IL15: variants seen among roughly 807,000 people sequenced by gnomAD.
IL15 encodes the protein interleukin-15.
In IL15, 11 loss-of-function variants were observed where a neutral mutation model predicts 19.6. The observed-to-expected ratio is 0.56, with a 90% CI of 0.35 to 0.93. IL15 has a LOEUF of 0.93. IL15 is among the 40% of genes least tolerant of loss of function. The pLI, the probability that IL15 is intolerant of heterozygous loss-of-function variation, is 0.01. For missense variants in IL15, 197 were observed against 186.5 expected (o/e 1.06, Z -0.33); for synonymous variants, 58 against 59.6 (o/e 0.97, Z 0.12).
chr4:141,707,160 A>G lies in IL15; in HGVS notation c.-99-12206A>G, dbSNP rs967618306. ...ATTTCAAACGCCTGTTTTCTAGTTC[A>G]GAAATTCCTTCATGAAAGATCTAGT... On this transcript the variant is annotated intron_variant, in intron 2 of 7. Coordinates refer to ENST00000320650, the MANE Select transcript of IL15 (RefSeq NM_000585.5). 7.2e-5 allele frequency among the ~76,000 whole-genome samples: 11 copies of G among 152,108 alleles called. No homozygotes were observed. In the East Asian group the frequency reaches 1.5e-3, roughly 21 times the overall value.
chr4:141,716,220 C>T (rs1433611114), intron 2 of IL15: 1 of 152,320 alleles, frequency 6.6e-6, no homozygotes, highest in Non-Finnish European at 1.5e-5. Context: ...CCTGTGAGCT[C>T]CTTGAGGACA....
At chr4:141,698,746 T>A (rs1440419692) in intron 2 of IL15, among the ~76,000 whole-genome samples, 2 of 152,080 alleles carry the variant, frequency 1.3e-5, no homozygotes, top group Non-Finnish European at 2.9e-5. Flanking sequence ...ATCGTACTAA[T>A]GGTCTATCCA....
intron 1 of IL15, among the ~76,000 whole-genome samples, chr4:141,654,300 C>A (rs892967233): frequency 6.6e-6 from 1 of 152,118 alleles, no homozygotes; most frequent in Non-Finnish European, 1.5e-5. Context: ...GGGAAGCAGG[C>A]CAGATTCCTG....
At chr4:141,681,934 C>T (rs542464874) in intron 2 of IL15, among the ~76,000 whole-genome samples, 110 of 152,218 alleles carry the variant, frequency 7.2e-4, no homozygotes, top group African/African-American at 2.1e-3. Flanking sequence ...TATTTTCTTT[C>T]GGCAGTATAC....
At chr4:141,652,165 TA>T (rs1319705526) in intron 1 of IL15, among the ~76,000 whole-genome samples, 1 of 152,130 alleles carries the variant, frequency 6.6e-6, no homozygotes, top group Non-Finnish European at 1.5e-5. Context: ...AATCTATTTA[TA>T]ATAATAGTTT....
intron 2 of IL15, among the ~76,000 whole-genome samples, chr4:141,697,292 T>C (rs1466567680): frequency 6.6e-6 from 1 of 152,144 alleles, no homozygotes; most frequent in Admixed American, 6.6e-5. Flanking sequence ...TATGTTTTTG[T>C]AAACTTTGAC....
intron 2 of IL15, among the ~76,000 whole-genome samples, chr4:141,689,259 T>C (rs1728818573): frequency 6.6e-6 from 1 of 152,230 alleles, no homozygotes; most frequent in Non-Finnish European, 1.5e-5. Flanking sequence ...AGGTTGCCAC[T>C]GCTGGCTCCG....
intron 1 of IL15, among the ~76,000 whole-genome samples, chr4:141,640,986 C>T (rs927298107): frequency 1.3e-5 from 2 of 152,156 alleles, no homozygotes; most frequent in South Asian, 2.1e-4. Context: ...ATCATTGTGA[C>T]ACACGAAAGG....
At chr4:141,691,596 AG>A (rs1340513824) in intron 2 of IL15, among the ~76,000 whole-genome samples, 4 of 152,174 alleles carry the variant, frequency 2.6e-5, no homozygotes, top group Non-Finnish European at 5.9e-5. Context: ...GACAAAACGA[AG>A]GGGCCACAGG....
chr4:141,713,513 C>T (rs1729775729), intron 2 of IL15, among the ~76,000 whole-genome samples: 1 of 152,186 alleles, frequency 6.6e-6, no homozygotes, highest in African/African-American at 2.4e-5. Flanking sequence ...AAGCATAAAA[C>T]ATTATCTGGC....
intron 2 of IL15, among the ~76,000 whole-genome samples, chr4:141,672,111 A>C (rs1728195002): frequency 6.6e-6 from 1 of 152,350 alleles, no homozygotes; most frequent in Non-Finnish European, 1.5e-5. Flanking sequence ...TATATAGTTC[A>C]TAGTCATTGT....
intron 2 of IL15, among the ~76,000 whole-genome samples, chr4:141,695,700 G>A (rs1729069273): frequency 6.6e-6 from 1 of 152,006 alleles, no homozygotes; most frequent in Non-Finnish European, 1.5e-5. Context: ...AACCAACAGT[G>A]CATAAGTTGT....
At chr4:141,693,914 G>A (rs1729007884) in intron 2 of IL15, among the ~76,000 whole-genome samples, 1 of 152,194 alleles carries the variant, frequency 6.6e-6, no homozygotes, top group African/African-American at 2.4e-5. Flanking sequence ...AATTGGTGAG[G>A]TCAAGAGTTT....
At position 141,725,250 on chromosome 4, in the gene IL15, C is replaced by G. The variant is rs576597166; in HGVS notation, c.196-2690C>G. 2.0e-5 allele frequency among the ~76,000 whole-genome samples: 3 copies of G among 152,268 alleles called. No homozygotes were observed. The South Asian group carries it at 6.2e-4, about 32-fold the overall frequency. The stretch of plus-strand genomic sequence containing the variant: ...ACACCTCTCATGGCCTGTGTCCCTC[C>G]CTATGCCTCCTGGATTTATATGTTG... On this transcript the variant is annotated intron_variant, in intron 5 of 7. Transcript: ENST00000320650.
chr4:141,668,134 CAT>C (rs61482771), intron 2 of IL15, among the ~76,000 whole-genome samples: 4,157 of 152,272 alleles, frequency 0.027, 195 homozygotes, highest in African/African-American at 0.094. Context: ...TTTATTAAAA[CAT>C]ATGAAATGAT....
intron 2 of IL15, among the ~76,000 whole-genome samples, chr4:141,663,240 G>A (rs1578999244): frequency 6.6e-6 from 1 of 152,118 alleles, no homozygotes. Flanking sequence ...TAAAATAAGA[G>A]TTAAAACATT....
chr4:141,656,141 A>G (rs1363726911), intron 1 of IL15, 45 bp from the exon 2 acceptor site: 2 of 397,904 alleles, frequency 5.0e-6, no homozygotes, highest in Non-Finnish European at 8.9e-6. Flanking sequence ...GGATTACTCA[A>G]TACATAATTA....
chr4:141,723,760 C>T (rs2152191094), intron 5 of IL15, among the ~76,000 whole-genome samples: 1 of 152,080 alleles, frequency 6.6e-6, no homozygotes, highest in Non-Finnish European at 1.5e-5. Context: ...AGGGATATTA[C>T]AAAATGATAA....
intron 2 of IL15, among the ~76,000 whole-genome samples, chr4:141,678,620 T>G (rs1317466635): frequency 6.6e-6 from 1 of 150,482 alleles, no homozygotes; most frequent in Non-Finnish European, 1.5e-5. Context: ...TTTTTTTTTT[T>G]TTGACAGAGT....
Sources: allele counts gnomAD v4.1 joint callset (sites outside exome capture counted in the v4.1 genomes callset), GRCh38; gene constraint gnomAD v4.1.1; transcripts MANE v1.5; gene names NCBI Gene and HGNC (gene_info 2026-07-23, HGNC 2026-07-21).